Variants in MAN2A1 observed in about 807,000 individuals in gnomAD.
MAN2A1 encodes the protein alpha-mannosidase 2.
Under a neutral mutation model 142.6 loss-of-function variants are expected in MAN2A1, and 76 were observed. That is an observed-to-expected ratio of 0.53 (90% CI 0.44 to 0.65). MAN2A1 has a LOEUF of 0.65. MAN2A1 is among the 30% of genes least tolerant of loss of function. MAN2A1 has a pLI of 0.00. For missense variants in MAN2A1, 1,311 were observed against 1,365.1 expected (o/e 0.96, Z 0.62); for synonymous variants, 559 against 473.2 (o/e 1.18, Z -2.35).
At chr5:109,829,634 C>T (rs1203437669) in intron 16 of MAN2A1, among the ~76,000 whole-genome samples, 2 of 152,182 alleles carry the variant, frequency 1.3e-5, no homozygotes, top group African/African-American at 4.8e-5. Context: ...TATTCCATCT[C>T]CTGTTACAAT....
chr5:109,793,822 G>GGCTTTATCAGATTGGTTT (rs1409965341), intron 12 of MAN2A1, among the ~76,000 whole-genome samples: 1 of 152,114 alleles, frequency 6.6e-6, no homozygotes, highest in African/African-American at 2.4e-5. Flanking sequence ...TGAATGAATT[G>GGCTTTATCAGATTGGTTT]GCTTTATCAG....
chr5:109,774,824 A>G lies in MAN2A1; in HGVS notation c.1233A>G (p.Ser411=), dbSNP rs1355486054. The G allele has an allele frequency of 6.2e-7, 1 of 1,612,748 alleles. No individual in the cohort carries two copies. The highest frequency in any genetic ancestry group is 8.5e-7 in the Non-Finnish European group (1 of 1,179,602). The change falls in exon 8 of 22, where the codon TCA becomes TCG. Residue 411 remains serine, a synonymous_variant. Transcript: ENST00000261483. The stretch of plus-strand genomic sequence containing the variant: ...TACTAGATCAGTACCGAAAGAAGTC[A>G]AAGCTTTTTCGTACCAAAGTTCTCC... ...RMLLDQYRKK[S]KLFRTKVLLA...
chr5:109,728,277 A>C (rs1751801207), intron 3 of MAN2A1, among the ~76,000 whole-genome samples: 1 of 152,168 alleles, frequency 6.6e-6, no homozygotes, highest in Admixed American at 6.6e-5. Flanking sequence ...ATTTTTTGCC[A>C]GCAAATATAG....
At chr5:109,764,290 T>C (rs561287195) in intron 5 of MAN2A1, among the ~76,000 whole-genome samples, 1 of 152,322 alleles carries the variant, frequency 6.6e-6, no homozygotes, top group East Asian at 1.9e-4. Flanking sequence ...TGACTGATGT[T>C]AATTCTTCTT....
chr5:109,784,958 A>G, intron 10 of MAN2A1, 32 bp downstream of exon 10: 1 of 1,465,868 alleles, frequency 6.8e-7, no homozygotes, highest in Non-Finnish European at 9.2e-7. Context: ...CATCTTTAAA[A>G]AAATCATTAA....
chr5:109,829,302 A>G (rs910562570), intron 16 of MAN2A1, among the ~76,000 whole-genome samples: 1 of 152,346 alleles, frequency 6.6e-6, no homozygotes, highest in Non-Finnish European at 1.5e-5. Context: ...TTTTCCATTC[A>G]AACTGTCACA....
chr5:109,717,701 G>T (rs1273596588), intron 3 of MAN2A1, among the ~76,000 whole-genome samples: 1 of 152,164 alleles, frequency 6.6e-6, no homozygotes, highest in Non-Finnish European at 1.5e-5. Flanking sequence ...GCAGAATGAG[G>T]CAGGTATCTT....
chr5:109,800,934 A>G (rs941779283), intron 12 of MAN2A1, among the ~76,000 whole-genome samples: 4 of 152,208 alleles, frequency 2.6e-5, no homozygotes, highest in African/African-American at 9.6e-5. Context: ...ATGAACCCTT[A>G]TGGGAAAAGT....
chr5:109,721,620 A>G (rs1290601811), intron 3 of MAN2A1, among the ~76,000 whole-genome samples: 1 of 152,218 alleles, frequency 6.6e-6, no homozygotes, highest in East Asian at 1.9e-4. Context: ...ATGGCGCTGT[A>G]TGGCTATTTA....
rs533834162 is a variant in MAN2A1 at position 109,758,166 on chromosome 5, C to T, written c.835+2710C>T. Among the ~76,000 whole-genome samples, 97 of 152,102 alleles carry T rather than the reference C, an allele frequency of 6.4e-4. 1 individual carries two copies. The highest frequency in any genetic ancestry group is 2.1e-3 in the African/African-American group (88 of 41,516). On this transcript the variant is annotated intron_variant, in intron 5 of 21. Coordinates refer to ENST00000261483, the MANE Select transcript of MAN2A1 (RefSeq NM_002372.4). Reference sequence around the variant, plus strand: ...CAATGTGTGAGGTTTCTATTTTCTCCGTATCTTCACCAACATTTGTTACTG... The same window carrying T: ...CAATGTGTGAGGTTTCTATTTTCTCTGTATCTTCACCAACATTTGTTACTG...
rs139444348 is a variant in MAN2A1, at chr5:109,716,193, C to A, written c.464C>A (p.Thr155Asn). The A allele has an allele frequency of 1.2e-4, 191 of 1,611,042 alleles. No individual in the cohort carries two copies. The highest frequency in any genetic ancestry group is 1.5e-4 in the Non-Finnish European group (179 of 1,177,942). The change falls in exon 3 of 22, where the codon ACT becomes AAT. Residue 155 changes from threonine to asparagine, a missense_variant. Transcript: ENST00000261483. ...GTTTGGAAGCAAGGATTTGACATTA[C>A]TTATGAATCTAATGAATGGGACACT... The part of the protein sequence containing the change: ...GGVWKQGFDI[T>N]YESNEWDTEP...
intron 3 of MAN2A1, among the ~76,000 whole-genome samples, chr5:109,722,145 G>A (rs1002146017): frequency 6.6e-6 from 1 of 152,172 alleles, no homozygotes; most frequent in Non-Finnish European, 1.5e-5. Context: ...GAGCATATAG[G>A]AGGGAAGTCT....
At chr5:109,860,846 T>G (rs1475124106) in intron 20 of MAN2A1, among the ~76,000 whole-genome samples, 1 of 152,244 alleles carries the variant, frequency 6.6e-6, no homozygotes, top group African/African-American at 2.4e-5. Flanking sequence ...TGATATATTT[T>G]TTGATAAGTT....
intron 4 of MAN2A1, among the ~76,000 whole-genome samples, chr5:109,741,379 T>C (rs892312694): frequency 6.6e-5 from 10 of 152,220 alleles, no homozygotes; most frequent in Non-Finnish European, 1.5e-4. Flanking sequence ...GTTGCTTAAA[T>C]GTATGTTTTT....
In MAN2A1 at chr5:109,756,007, C is replaced by T. The variant is rs1165073474; in HGVS notation, c.835+551C>T. On this transcript the variant is annotated intron_variant, in intron 5 of 21. Transcript: ENST00000261483. ...TAGCAACCAGGAATTCTCTTTAATACTTTATCTAGTTGGCCCAACTTGAGT... is the reference window on the plus strand; with the variant it reads ...TAGCAACCAGGAATTCTCTTTAATATTTTATCTAGTTGGCCCAACTTGAGT... Among the ~76,000 whole-genome samples, 10 of 152,000 alleles carry T rather than the reference C, an allele frequency of 6.6e-5. 1 individual carries two copies. The highest frequency in any genetic ancestry group is 6.6e-4 in the Admixed American group (10 of 15,236).
intron 4 of MAN2A1, among the ~76,000 whole-genome samples, chr5:109,734,413 CT>C (rs1365902483): frequency 1.3e-5 from 2 of 151,488 alleles, no homozygotes; most frequent in Non-Finnish European, 2.9e-5. Flanking sequence ...CTTCTGCTAG[CT>C]TTTGAATGTG....
chr5:109,746,363 T>A (rs547653572), intron 4 of MAN2A1, among the ~76,000 whole-genome samples: 1 of 152,322 alleles, frequency 6.6e-6, no homozygotes, highest in African/African-American at 2.4e-5. Flanking sequence ...CTTTTTAATA[T>A]ATGCCCCAAT....
chr5:109,806,248 T>G (rs950280469), intron 12 of MAN2A1, among the ~76,000 whole-genome samples: 4 of 152,208 alleles, frequency 2.6e-5, no homozygotes, highest in African/African-American at 7.2e-5. Flanking sequence ...TCACCTTCCC[T>G]GTCTCTGACT....
chr5:109,846,981 T>C (rs1024057676), intron 18 of MAN2A1, among the ~76,000 whole-genome samples: 1 of 144,488 alleles, frequency 6.9e-6, no homozygotes, highest in Non-Finnish European at 1.5e-5. Context: ...GCTGTGTGGT[T>C]AGGGGCCCAG....
Sources: gnomAD v4.1 joint callset for allele counts (sites outside exome capture counted in the v4.1 genomes callset) on GRCh38, gnomAD v4.1.1 for gene constraint, MANE v1.5 for transcripts, NCBI Gene and HGNC (gene_info 2026-07-23, HGNC 2026-07-21) for gene names.